SLC16A7: variants seen among roughly 807,000 people sequenced by gnomAD.
SLC16A7 encodes monocarboxylate transporter 2.
In SLC16A7, 33 loss-of-function variants were observed where a neutral mutation model predicts 34.9. That is an observed-to-expected ratio of 0.94 (90% confidence interval 0.72 to 1.26). The LOEUF (loss-of-function observed/expected upper bound fraction) is 1.26, where lower values mean the gene tolerates loss of function less well. SLC16A7 is among the 50% of genes most tolerant of loss of function. SLC16A7 has a pLI of 0.00. For missense variants in SLC16A7, 573 were observed against 578.1 expected (o/e 0.99, Z 0.09); for synonymous variants, 201 against 206.6 (o/e 0.97, Z 0.23).
intron 1 of SLC16A7, among the ~76,000 whole-genome samples, chr12:59,607,141 C>CTA (rs1309461081): frequency 6.6e-6 from 1 of 151,888 alleles, no homozygotes; most frequent in African/African-American, 2.4e-5. Context: ...GACAGTTTTA[C>CTA]TATCGCACTT....
chr12:59,732,821 C>T (rs975940197), intron 3 of SLC16A7, among the ~76,000 whole-genome samples: 8 of 152,326 alleles, frequency 5.3e-5, no homozygotes, highest in Admixed American at 5.2e-4. Context: ...TATCCTCTCA[C>T]TGCCAACACT....
chr12:59,738,055 T>A (rs1014419498), intron 3 of SLC16A7, among the ~76,000 whole-genome samples: 2 of 152,216 alleles, frequency 1.3e-5, no homozygotes, highest in African/African-American at 4.8e-5. Context: ...TAAAGATCTC[T>A]AGGCTATGCA....
intron 1 of SLC16A7, among the ~76,000 whole-genome samples, chr12:59,642,690 A>G (rs1447002438): frequency 1.3e-5 from 2 of 152,126 alleles, no homozygotes; most frequent in Admixed American, 6.6e-5. Flanking sequence ...ATAGTAGTCA[A>G]AGTTATAGAA....
At chr12:59,744,087 G>C (rs1007992243) in intron 3 of SLC16A7, among the ~76,000 whole-genome samples, 14 of 152,218 alleles carry the variant, frequency 9.2e-5, no homozygotes, top group African/African-American at 3.4e-4. Context: ...TCTTGCGTAA[G>C]ATTATTGATA....
At chr12:59,633,232 C>T (rs1880263873) in intron 1 of SLC16A7, among the ~76,000 whole-genome samples, 1 of 151,952 alleles carries the variant, frequency 6.6e-6, no homozygotes, top group Non-Finnish European at 1.5e-5. Flanking sequence ...CAGTTCTACC[C>T]AACCCTACTC....
chr12:59,630,304 G>C (rs1316178661), intron 1 of SLC16A7, among the ~76,000 whole-genome samples: 1 of 151,798 alleles, frequency 6.6e-6, no homozygotes, highest in African/African-American at 2.4e-5. Flanking sequence ...CAGATTTCCT[G>C]TCTTTCATGG....
rs921460185 is a variant in SLC16A7, at chr12:59,657,945, A to G, written c.-31+2695A>G. On this transcript the variant is annotated intron_variant, in intron 2 of 5. Coordinates refer to ENST00000547379, the MANE Select transcript of SLC16A7 (RefSeq NM_001270623.2). ...TTTCTTATGCAGTTTTAAAATGTGC[A>G]TAAGAGCAAACTGTTTTGCTCTTAC... 1.1e-4 allele frequency among the ~76,000 whole-genome samples: 17 copies of G among 152,100 alleles called. No homozygotes were observed. The South Asian group carries it at 1.2e-3, about 11-fold the overall frequency.
intron 3 of SLC16A7, among the ~76,000 whole-genome samples, chr12:59,739,413 T>C (rs1428706189): frequency 4.3e-5 from 6 of 138,412 alleles, no homozygotes; most frequent in Non-Finnish European, 7.7e-5. Flanking sequence ...ATGGTGTATA[T>C]GTGCCACATT....
At chr12:59,691,506 T>C (rs191867568) in intron 2 of SLC16A7, among the ~76,000 whole-genome samples, 1 of 152,064 alleles carries the variant, frequency 6.6e-6, no homozygotes, top group Admixed American at 6.6e-5. Flanking sequence ...GCCTCCACCA[T>C]GGGTGGGGAA....
intron 3 of SLC16A7, among the ~76,000 whole-genome samples, chr12:59,726,215 C>T (rs569583829): frequency 6.6e-6 from 1 of 151,962 alleles, no homozygotes; most frequent in Non-Finnish European, 1.5e-5. Context: ...ATTCCAGTGG[C>T]GTTCACACTG....
chr12:59,650,074 A>G (rs1015580156), intron 1 of SLC16A7, among the ~76,000 whole-genome samples: 10 of 152,056 alleles, frequency 6.6e-5, no homozygotes, highest in Non-Finnish European at 1.2e-4. Flanking sequence ...GGATTTATAT[A>G]TATCATCTTT....
In SLC16A7 at chr12:59,653,405, T is replaced by C. The variant is rs117805924; in HGVS notation, c.-129-1747T>C. On this transcript the variant is annotated intron_variant, in intron 1 of 5. Coordinates refer to ENST00000547379, the MANE Select transcript of SLC16A7 (RefSeq NM_001270623.2). Reference sequence around the variant, plus strand: ...TATAATTATGCAGACAAAAATGGATTACAGCAAAAATACCAATTTGTCACC... The same window carrying C: ...TATAATTATGCAGACAAAAATGGATCACAGCAAAAATACCAATTTGTCACC... Among the ~76,000 whole-genome samples the C allele has an allele frequency of 5.8e-3, 884 of 151,762 alleles. 6 individuals carry two copies. The highest frequency in any genetic ancestry group is 0.033 in the East Asian group (173 of 5,166).
intron 1 of SLC16A7, among the ~76,000 whole-genome samples, chr12:59,635,752 A>T (rs543472056): frequency 2.5e-4 from 38 of 152,088 alleles, no homozygotes; most frequent in African/African-American, 8.7e-4. Context: ...TTCTGACTTG[A>T]TTTATCTGTC....
chr12:59,633,483 G>A (rs1049240566), intron 1 of SLC16A7, among the ~76,000 whole-genome samples: 4 of 151,902 alleles, frequency 2.6e-5, no homozygotes, highest in African/African-American at 7.3e-5. Flanking sequence ...TTCACATTCG[G>A]TGATGTGACA....
intron 2 of SLC16A7, among the ~76,000 whole-genome samples, chr12:59,684,233 A>G (rs1177469071): frequency 2.0e-5 from 3 of 152,218 alleles, no homozygotes; most frequent in African/African-American, 7.2e-5. Context: ...GAAAATAACT[A>G]GAAAAGACTG....
In SLC16A7 at chr12:59,783,925, C is replaced by T. The variant is rs890304215; in HGVS notation, c.*4246C>T. ...GAACTCTGACCTCAGGTGATTCACTCGCCTCTGCCTCCCAAAGTGCTGGGA... is the reference window on the plus strand; with the variant it reads ...GAACTCTGACCTCAGGTGATTCACTTGCCTCTGCCTCCCAAAGTGCTGGGA... On this transcript the variant is annotated 3_prime_UTR_variant, in exon 6 of 6. Transcript: ENST00000547379. 1 of 152,068 alleles carries T rather than the reference C, an allele frequency of 6.6e-6. No individual in the cohort carries two copies. The highest frequency in any genetic ancestry group is 1.5e-5 in the Non-Finnish European group (1 of 68,052). 9.4% of individuals were successfully genotyped at this position (152,068 alleles called of 1,614,324 possible).
chr12:59,768,995 C>T (rs1469865514), intron 3 of SLC16A7: 1 of 152,264 alleles, frequency 6.6e-6, no homozygotes, highest in African/African-American at 2.4e-5. Context: ...AAGACTCTGT[C>T]TCAACAACAA....
intron 1 of SLC16A7, among the ~76,000 whole-genome samples, chr12:59,601,755 G>GC (rs1170120420): frequency 2.6e-5 from 4 of 152,174 alleles, no homozygotes; most frequent in Admixed American, 2.0e-4. Flanking sequence ...GGCCTCTTCT[G>GC]GGTTGTAGAC....
At chr12:59,651,535 T>G (rs953763602) in intron 1 of SLC16A7, among the ~76,000 whole-genome samples, 2 of 152,202 alleles carry the variant, frequency 1.3e-5, no homozygotes, top group Non-Finnish European at 2.9e-5. Flanking sequence ...GTAACATGGC[T>G]TTTTAGAATC....
Sources: allele counts gnomAD v4.1 joint callset (sites outside exome capture counted in the v4.1 genomes callset), GRCh38; gene constraint gnomAD v4.1.1; transcripts MANE v1.5; gene names NCBI Gene and HGNC (gene_info 2026-07-23, HGNC 2026-07-21).